OTUD7A: variants seen among roughly 807,000 people sequenced by gnomAD.
The protein encoded by OTUD7A is OTU domain-containing protein 7A.
Under a neutral mutation model 65.7 loss-of-function variants are expected in OTUD7A, and 12 were observed. The ratio of observed to expected loss-of-function variants is 0.18; its 90% CI spans 0.12 to 0.30. OTUD7A has a LOEUF of 0.30. Ranked by LOEUF, OTUD7A falls within the 10% of genes least tolerant of loss-of-function variation. OTUD7A has a pLI of 1.00. For missense variants in OTUD7A, 1,148 were observed against 1,304.8 expected (o/e 0.88, Z 1.85); for synonymous variants, 641 against 586.3 (o/e 1.09, Z -1.35).
intron 1 of OTUD7A, among the ~76,000 whole-genome samples, chr15:31,682,906 C>T (rs1892751768): frequency 1.3e-5 from 2 of 152,280 alleles, no homozygotes; most frequent in Middle Eastern, 3.4e-3. Context: ...AATGTATGTG[C>T]ACATTCGCAT....
chr15:31,835,787 T>C (rs1166567423), intron 1 of OTUD7A, among the ~76,000 whole-genome samples: 1 of 152,122 alleles, frequency 6.6e-6, no homozygotes, highest in Non-Finnish European at 1.5e-5. Flanking sequence ...TACACATGTA[T>C]GCATACACAC....
chr15:31,636,522 A>G (rs897985132), intron 3 of OTUD7A, among the ~76,000 whole-genome samples: 1 of 152,124 alleles, frequency 6.6e-6, no homozygotes, highest in African/African-American at 2.4e-5. Flanking sequence ...GCTATTAACA[A>G]CCCTAAAATG....
intron 1 of OTUD7A, among the ~76,000 whole-genome samples, chr15:31,775,585 A>G (rs898604723): frequency 6.6e-6 from 1 of 152,222 alleles, no homozygotes; most frequent in Non-Finnish European, 1.5e-5. Flanking sequence ...CTGTGCAGAT[A>G]TCTAGGAGGA....
chr15:31,505,029 T>A (rs1311413110), intron 8 of OTUD7A, among the ~76,000 whole-genome samples: 1 of 152,180 alleles, frequency 6.6e-6, no homozygotes, highest in Non-Finnish European at 1.5e-5. Context: ...AATATAAATT[T>A]TTTTAGTAAG....
intron 1 of OTUD7A, among the ~76,000 whole-genome samples, chr15:31,710,739 G>A (rs1168482556): frequency 6.6e-6 from 1 of 152,266 alleles, no homozygotes; most frequent in African/African-American, 2.4e-5. Context: ...ATTATTGAAA[G>A]TGGAATACTG....
chr15:31,703,126 G>A (rs997523495), intron 1 of OTUD7A, among the ~76,000 whole-genome samples: 1 of 151,984 alleles, frequency 6.6e-6, no homozygotes, highest in African/African-American at 2.4e-5. Context: ...TCACAAACTT[G>A]AATGTAAAAT....
At chr15:31,690,762 T>C (rs1892943015) in intron 1 of OTUD7A, among the ~76,000 whole-genome samples, 3 of 152,184 alleles carry the variant, frequency 2.0e-5, no homozygotes, top group Admixed American at 2.0e-4. Context: ...TTACCTAACA[T>C]TGTATGCAAA....
chr15:31,725,907 T>C (rs1220007914), intron 1 of OTUD7A, among the ~76,000 whole-genome samples: 1 of 152,170 alleles, frequency 6.6e-6, no homozygotes, highest in Non-Finnish European at 1.5e-5. Context: ...TGGTTTGAGC[T>C]GCCGAGATCT....
intron 3 of OTUD7A, among the ~76,000 whole-genome samples, chr15:31,600,975 C>A (rs1181101754): frequency 4.6e-5 from 7 of 152,090 alleles, no homozygotes; most frequent in Admixed American, 2.0e-4. Flanking sequence ...TCTTAGAGAC[C>A]TACAAAGAGA....
At chr15:31,858,306 C>A (rs150305883) in intron 1 of OTUD7A, among the ~76,000 whole-genome samples, 1 of 152,150 alleles carries the variant, frequency 6.6e-6, no homozygotes, top group Non-Finnish European at 1.5e-5. Context: ...TTCTGGGAGG[C>A]CTGAATGCCT....
Position 31,481,706 on chromosome 15 carries a change from T to C in OTUD7A, c.*1588A>G, listed in dbSNP as rs2141055839. On this transcript the variant is annotated 3_prime_UTR_variant, in exon 13 of 13. Coordinates refer to ENST00000307050, the MANE Select transcript of OTUD7A (RefSeq NM_001382637.1). The stretch of plus-strand genomic sequence containing the variant: ...TCACAGGAGATACTCAATTATTTTA[T>C]TATAATTTCTCAAACAAGTAAAAAA... 6.6e-6 allele frequency: 1 copy of C among 152,574 alleles called. No individual in the cohort carries two copies. Among genetic ancestry groups the C allele is most frequent in the South Asian group, 2.1e-4 (1 of 4,820 alleles). 9.5% of individuals were successfully genotyped at this position (152,574 alleles called of 1,614,324 possible).
intron 1 of OTUD7A, among the ~76,000 whole-genome samples, chr15:31,774,103 C>T (rs1186130613): frequency 1.3e-5 from 2 of 152,230 alleles, no homozygotes; most frequent in Admixed American, 1.3e-4. Flanking sequence ...GTCTGAGAGG[C>T]TTCTTTTCTT....
At chr15:31,623,742 G>A (rs1218740681) in intron 3 of OTUD7A, among the ~76,000 whole-genome samples, 1 of 152,178 alleles carries the variant, frequency 6.6e-6, no homozygotes, top group Non-Finnish European at 1.5e-5. Context: ...CCATGCTTCG[G>A]CTCATGCTCG....
intron 3 of OTUD7A, among the ~76,000 whole-genome samples, chr15:31,644,166 G>A (rs1026267517): frequency 3.3e-5 from 5 of 151,968 alleles, no homozygotes; most frequent in Admixed American, 6.6e-5. Flanking sequence ...TGGCACACCT[G>A]GGGTTTTTCA....
chr15:31,796,577 G>A lies in OTUD7A; in HGVS notation c.-100+73930C>T, dbSNP rs574393784. ...ATTTGACCACATTTCTGGATATTAC[G>A]GTCTAGCCAGATTGAAACAAAATTT... is the stretch of plus-strand genomic sequence containing the variant. On this transcript the variant is annotated intron_variant, in intron 1 of 12. Coordinates refer to ENST00000307050, the MANE Select transcript of OTUD7A (RefSeq NM_001382637.1). Among the ~76,000 whole-genome samples the A allele has an allele frequency of 7.2e-5, 11 of 152,162 alleles. No individual in the cohort carries two copies. The East Asian group carries it at 1.3e-3, about 19-fold the overall frequency.
At chr15:31,807,850 T>C (rs1390331432) in intron 1 of OTUD7A, among the ~76,000 whole-genome samples, 1 of 152,062 alleles carries the variant, frequency 6.6e-6, no homozygotes, top group Non-Finnish European at 1.5e-5. Context: ...TCACAGACTG[T>C]TGACCTGAAC....
intron 1 of OTUD7A, among the ~76,000 whole-genome samples, chr15:31,820,101 C>T (rs1206722942): frequency 6.6e-6 from 1 of 152,158 alleles, no homozygotes; most frequent in Non-Finnish European, 1.5e-5. Context: ...TGCTGGCAAC[C>T]ACTTAATACT....
At chr15:31,627,866 T>G (rs549763365) in intron 3 of OTUD7A, among the ~76,000 whole-genome samples, 2 of 152,338 alleles carry the variant, frequency 1.3e-5, no homozygotes, top group South Asian at 4.1e-4. Context: ...TTTTCATGTG[T>G]TTTTTGGCTG....
At chr15:31,560,882 C>T (rs1295936625) in intron 4 of OTUD7A, among the ~76,000 whole-genome samples, 1 of 152,332 alleles carries the variant, frequency 6.6e-6, no homozygotes, top group East Asian at 1.9e-4. Context: ...CCAGCTTTCA[C>T]CCGGAACAGC....
Sources: allele counts gnomAD v4.1 joint callset (sites outside exome capture counted in the v4.1 genomes callset), GRCh38; gene constraint gnomAD v4.1.1; transcripts MANE v1.5; gene names NCBI Gene and HGNC (gene_info 2026-07-23, HGNC 2026-07-21).